RPS6KA6: variants seen among roughly 807,000 people sequenced by gnomAD.
RPS6KA6 encodes the protein ribosomal protein S6 kinase A6, also known as ribosomal protein S6 kinase alpha-6.
In RPS6KA6, 27 loss-of-function variants were observed where a neutral mutation model predicts 65.4. The ratio of observed to expected loss-of-function variants is 0.41; its 90% CI spans 0.30 to 0.57. The LOEUF is 0.57. RPS6KA6 is among the 20% of genes least tolerant of loss of function. RPS6KA6 has a pLI of 0.24. For missense variants in RPS6KA6, 486 were observed against 555.6 expected (o/e 0.87, Z 1.26); for synonymous variants, 190 against 184.2 (o/e 1.03, Z -0.26).
At chrX:84,104,829 T>G (rs930235211) in intron 16 of RPS6KA6, among the ~76,000 whole-genome samples, 172 bp from the exon 17 acceptor site, 3 of 110,694 alleles carry the variant, frequency 2.7e-5, no homozygotes, top group Non-Finnish European at 3.8e-5. Context: ...AAAGGTTGAA[T>G]TGGCTAAACA....
intron 2 of RPS6KA6, among the ~76,000 whole-genome samples, chrX:84,163,615 C>T (rs1199183134): frequency 1.1e-5 from 1 of 89,582 alleles, no homozygotes. Flanking sequence ...GTCCGCAGTC[C>T]GGCCTGGGCG....
intron 1 of RPS6KA6, among the ~76,000 whole-genome samples, chrX:84,166,171 T>C (rs2035594077): frequency 8.9e-6 from 1 of 111,898 alleles, no homozygotes; most frequent in Non-Finnish European, 1.9e-5. Context: ...GAAAACTGAA[T>C]TAACATTGGA....
chrX:84,170,314 A>C (rs1446737943), intron 1 of RPS6KA6, among the ~76,000 whole-genome samples: 1 of 111,035 alleles, frequency 9.0e-6, no homozygotes, highest in East Asian at 2.8e-4. Flanking sequence ...GCTAAAGATA[A>C]AGGTGGGTCC....
At chrX:84,079,625 T>C (rs771891902) in intron 20 of RPS6KA6, among the ~76,000 whole-genome samples, 48 of 111,075 alleles carry the variant, frequency 4.3e-4, no homozygotes, top group African/African-American at 1.6e-3. Context: ...ACTTGGACAC[T>C]TGAGCTTGGT....
intron 4 of RPS6KA6, 130 bp from the exon 5 acceptor site, chrX:84,147,188 TTCATATTCCTAGA>T: frequency 5.0e-6 from 2 of 403,183 alleles, no homozygotes; most frequent in Non-Finnish European, 8.6e-6. Context: ...ATTTGCAGTT[TTCATATTCCTAGA>T]TAATGACCAT....
At chrX:84,187,603 C>T (rs1437134757) in intron 1 of RPS6KA6, 1 of 342,506 alleles carries the variant, frequency 2.9e-6, no homozygotes, top group Non-Finnish European at 5.0e-6. Context: ...CGCCCAAGGC[C>T]GAGCCCGGGC....
rs1385985405 is a variant in RPS6KA6 at position 84,168,188 on chromosome X, A to C, written c.82-3801T>G. Reference sequence around the variant, plus strand: ...CCAATTTCCTTTGCTGCTTTTTTTCAATACCCTTGAAACACTGTAATTCCT... The same window carrying C: ...CCAATTTCCTTTGCTGCTTTTTTTCCATACCCTTGAAACACTGTAATTCCT... On this transcript the variant is annotated intron_variant, in intron 1 of 21. Transcript: ENST00000262752. 3.6e-5 allele frequency among the ~76,000 whole-genome samples: 4 copies of C among 110,846 alleles called. No individual in the cohort carries two copies. The Admixed American group carries it at 3.9e-4, about 11-fold the overall frequency.
At chrX:84,083,859 T>C (rs2033858442) in intron 20 of RPS6KA6, among the ~76,000 whole-genome samples, 1 of 112,322 alleles carries the variant, frequency 8.9e-6, no homozygotes, top group Non-Finnish European at 1.9e-5. Context: ...GTGTTCCTAT[T>C]TATGCACAGC....
intron 20 of RPS6KA6, among the ~76,000 whole-genome samples, chrX:84,085,301 T>C (rs2033894563): frequency 8.9e-6 from 1 of 111,913 alleles, no homozygotes; most frequent in Non-Finnish European, 1.9e-5. Context: ...CTTCCAGCTT[T>C]TGCCCATTCA....
intron 20 of RPS6KA6, among the ~76,000 whole-genome samples, chrX:84,078,833 G>A (rs780330110): frequency 3.8e-4 from 42 of 111,104 alleles, no homozygotes; most frequent in Non-Finnish European, 7.2e-4. Flanking sequence ...AACAGCATGA[G>A]GAAATGTTTA....
intron 20 of RPS6KA6, among the ~76,000 whole-genome samples, chrX:84,086,647 T>C (rs1429456316): frequency 9.0e-6 from 1 of 111,238 alleles, no homozygotes; most frequent in Non-Finnish European, 1.9e-5. Flanking sequence ...CTGTTGATTT[T>C]TGGTGGAGAG....
chrX:84,098,544 TAA>T (rs1316884783), intron 18 of RPS6KA6, among the ~76,000 whole-genome samples: 2 of 110,799 alleles, frequency 1.8e-5, no homozygotes, highest in African/African-American at 6.5e-5. Flanking sequence ...GTTAGAAAAA[TAA>T]AGAGATGAAA....
chrX:84,116,348 T>C (rs1279062544), intron 11 of RPS6KA6, 61 bp from the exon 12 acceptor site: 2 of 579,770 alleles, frequency 3.4e-6, no homozygotes, highest in Non-Finnish European at 5.3e-6. Flanking sequence ...CTCCCTGGCT[T>C]CCAGACTGCT....
intron 8 of RPS6KA6, among the ~76,000 whole-genome samples, chrX:84,132,852 G>C (rs2034925826): frequency 9.2e-6 from 1 of 108,631 alleles, no homozygotes; most frequent in East Asian, 2.9e-4. Flanking sequence ...TTTCAGAGTA[G>C]CCTGTCATTC....
intron 5 of RPS6KA6, among the ~76,000 whole-genome samples, chrX:84,145,819 C>T (rs774601507): frequency 2.7e-5 from 3 of 111,000 alleles, no homozygotes; most frequent in East Asian, 5.7e-4. Flanking sequence ...GCATGTTATA[C>T]TGCAATTGCC....
intron 20 of RPS6KA6, among the ~76,000 whole-genome samples, chrX:84,088,313 T>C (rs1346905485): frequency 1.8e-5 from 2 of 112,025 alleles, no homozygotes; most frequent in African/African-American, 3.2e-5. Context: ...GTCTTTTTCG[T>C]TGGTGCTGTT....
At chrX:84,173,291 C>A (rs1198737967) in intron 1 of RPS6KA6, among the ~76,000 whole-genome samples, 1 of 110,886 alleles carries the variant, frequency 9.0e-6, no homozygotes, top group Non-Finnish European at 1.9e-5. Flanking sequence ...AACAGCAATT[C>A]TTCAGTGTCA....
chrX:84,092,970 T>C (rs1871529930), intron 20 of RPS6KA6, among the ~76,000 whole-genome samples: 2 of 112,134 alleles, frequency 1.8e-5, no homozygotes, highest in Admixed American at 1.9e-4. Flanking sequence ...GAAAATATAG[T>C]GTGTATATAC....
chrX:84,129,204 CAAAA>C (rs1206343164), intron 8 of RPS6KA6, among the ~76,000 whole-genome samples: 1 of 111,360 alleles, frequency 9.0e-6, no homozygotes, highest in Non-Finnish European at 1.9e-5. Context: ...AAAAAATCCT[CAAAA>C]GAAAGCATAC....
Sources: allele counts gnomAD v4.1 joint callset (sites outside exome capture counted in the v4.1 genomes callset), GRCh38; gene constraint gnomAD v4.1.1; transcripts MANE v1.5; gene names NCBI Gene and HGNC (gene_info 2026-07-23, HGNC 2026-07-21).